Variants in ANXA5 observed in about 807,000 individuals in gnomAD.
ANXA5 encodes annexin A5.
A neutral mutation model predicts 48.1 loss-of-function variants in ANXA5; 40 were observed. The ratio of observed to expected loss-of-function variants is 0.83; its 90% confidence interval spans 0.65 to 1.08. The LOEUF (loss-of-function observed/expected upper bound fraction) is 1.08. Ranked by LOEUF, ANXA5 falls within the 50% of genes least tolerant of loss-of-function variation. ANXA5 has a pLI of 0.00. For missense variants in ANXA5, 357 were observed against 376.8 expected, an observed-to-expected ratio of 0.95 and a Z score of 0.44; for synonymous variants, 113 against 129.1, an observed-to-expected ratio of 0.88 and a Z score of 0.85.
At position 121,668,433 on chromosome 4, in the gene ANXA5, C is replaced by T; in HGVS notation, c.*35G>A. The T allele has an allele frequency of 1.2e-6, 2 of 1,603,836 alleles. No individual in the cohort carries two copies. The highest frequency in any genetic ancestry group is 1.7e-6 in the Non-Finnish European group (2 of 1,171,060). On this transcript the variant is annotated 3_prime_UTR_variant, in exon 13 of 13. Transcript: ENST00000296511. ...GCTGAAGGAAGGCAGTGGGGTGGTG[C>T]AGGCACACAGCAGGGAGCTCTTCCC...
intron 2 of ANXA5, 27 bp downstream of exon 2, chr4:121,696,554 A>G: frequency 2.2e-6 from 3 of 1,383,756 alleles, no homozygotes; most frequent in Non-Finnish European, 2.8e-6. Flanking sequence ...GGGTAAATCC[A>G]GCGCAGTGGG....
At chr4:121,684,453 C>A (rs1007068620) in intron 4 of ANXA5, among the ~76,000 whole-genome samples, 1 of 152,084 alleles carries the variant, frequency 6.6e-6, no homozygotes, top group Non-Finnish European at 1.5e-5. Flanking sequence ...TCTTTTGGCA[C>A]CTCTACAGCA....
chr4:121,674,082 G>A (rs1724655866), intron 8 of ANXA5, among the ~76,000 whole-genome samples: 1 of 150,280 alleles, frequency 6.7e-6, no homozygotes, highest in Non-Finnish European at 1.5e-5. Flanking sequence ...CCGGGAGGCT[G>A]TGGCAAGAGA....
intron 3 of ANXA5, among the ~76,000 whole-genome samples, chr4:121,685,284 A>G (rs975443478): frequency 1.3e-5 from 2 of 152,148 alleles, no homozygotes; most frequent in African/African-American, 4.8e-5. Flanking sequence ...GTATGAGCTA[A>G]GGCAAAATGT....
Position 121,696,723 on chromosome 4 carries a change from G to A in ANXA5, c.-35-99C>T, listed in dbSNP as rs964541064. 7 of 751,580 alleles carry A rather than the reference G, an allele frequency of 9.3e-6. No homozygotes were observed. In the African/African-American group the frequency reaches 1.1e-4, roughly 12 times the overall value. 46.6% of individuals were successfully genotyped at this position (751,580 alleles called of 1,614,324 possible). A position where few individuals can be genotyped will look rare whatever the true frequency, so the allele number is the denominator to read the frequency against. On this transcript the variant is annotated intron_variant, in intron 1 of 12. Transcript: ENST00000296511. ...GGACCCGGCGGCGCTCAGACAGCCC[G>A]GAGGGCCCCGCCACGGGGCCGACCC...
chr4:121,692,040 T>C (rs1236651225), intron 2 of ANXA5, among the ~76,000 whole-genome samples: 1 of 152,162 alleles, frequency 6.6e-6, no homozygotes, highest in Admixed American at 6.5e-5. Context: ...AAGTGAATGA[T>C]ATAGTTCAAA....
intron 10 of ANXA5, 132 bp from the exon 11 acceptor site, chr4:121,670,144 G>T: frequency 1.6e-6 from 1 of 618,938 alleles, no homozygotes; most frequent in Non-Finnish European, 2.7e-6. Context: ...AGGCTAAAGA[G>T]CTGTAAGCTA....
In ANXA5 at chr4:121,678,468, C is replaced by T. The variant is rs146310531; in HGVS notation, c.421G>A (p.Val141Met). The T allele has an allele frequency of 2.1e-4, 335 of 1,613,764 alleles. No homozygotes were observed. Among genetic ancestry groups the T allele is most frequent in the African/African-American group, 7.7e-4 (58 of 75,044 alleles). ...EEYGSSLEDD[V>M]VGDTSGYYQR... ...TAGTACCCTGAAGTGTCCCCCACCA[C>T]GTCATCTTCCAGGCTTGAGCCATAT... is the stretch of plus-strand genomic sequence containing the variant. Residue 141 changes from valine (V) to methionine (M), a missense_variant, in exon 7 of 13, where the codon GTG becomes ATG. Physicochemically the swap from Val to Met is conservative, Grantham distance 21 (BLOSUM62 1). Coordinates refer to ENST00000296511, the MANE Select transcript of ANXA5 (RefSeq NM_001154.4).
Position 121,696,642 on chromosome 4 carries a change from C to A in ANXA5, c.-35-18G>T. On this transcript the variant is annotated intron_variant, in intron 1 of 12. Coordinates refer to ENST00000296511, the MANE Select transcript of ANXA5 (RefSeq NM_001154.4). Reference sequence around the variant, plus strand: ...AAGCAGGACTGCAAAAGAGAAGAAACCTCGGGCTTAGCGCGCCATTTGCAA... The same window carrying A: ...AAGCAGGACTGCAAAAGAGAAGAAAACTCGGGCTTAGCGCGCCATTTGCAA... 1 of 1,351,998 alleles carries A rather than the reference C, an allele frequency of 7.4e-7. No homozygotes were observed. The highest frequency in any genetic ancestry group is 9.6e-7 in the Non-Finnish European group (1 of 1,040,838). 83.8% of individuals were successfully genotyped at this position (1,351,998 alleles called of 1,614,324 possible). A position where few individuals can be genotyped will look rare whatever the true frequency, so the allele number is the denominator to read the frequency against.
chr4:121,672,869 G>A (rs1363495394), intron 8 of ANXA5, among the ~76,000 whole-genome samples: 1 of 152,176 alleles, frequency 6.6e-6, no homozygotes, highest in Non-Finnish European at 1.5e-5. Flanking sequence ...CACGGCAATG[G>A]TGCAAGGTTA....
intron 4 of ANXA5, among the ~76,000 whole-genome samples, chr4:121,684,235 G>T (rs1165969120): frequency 6.6e-6 from 1 of 151,752 alleles, no homozygotes; most frequent in East Asian, 1.9e-4. Flanking sequence ...AAATTTTTTT[G>T]AATTATTAAT....
rs929888648 is a variant in ANXA5 at position 121,696,950 on chromosome 4, C to A, written c.-123G>T. The A allele has an allele frequency of 1.5e-5, 3 of 199,902 alleles. No homozygotes were observed. Among genetic ancestry groups the A allele is most frequent in the Admixed American group, 6.0e-5 (1 of 16,546 alleles). The allele number at this position is 199,902 out of a possible 1,614,324, so 12.4% of individuals were successfully genotyped here. A position where few individuals can be genotyped will look rare whatever the true frequency, so the allele number is the denominator to read the frequency against. Reference sequence around the variant, plus strand: ...ACGCGGGGCGACGCCGAGATGCAGACGCTGAAGGATCCGGCAGCTGCACCT... The same window carrying A: ...ACGCGGGGCGACGCCGAGATGCAGAAGCTGAAGGATCCGGCAGCTGCACCT... On this transcript the variant is annotated 5_prime_UTR_variant, in exon 1 of 13. Coordinates refer to ENST00000296511, the MANE Select transcript of ANXA5 (RefSeq NM_001154.4).
intron 10 of ANXA5, 124 bp from the exon 11 acceptor site, chr4:121,670,136 G>T: frequency 1.5e-6 from 1 of 650,290 alleles, no homozygotes; most frequent in Non-Finnish European, 2.6e-6. Flanking sequence ...AGTACCAGAG[G>T]CTAAAGAGCT....
chr4:121,678,026 G>A (rs1006776321), intron 7 of ANXA5, 76 bp from the exon 8 acceptor site: 1 of 1,086,570 alleles, frequency 9.2e-7, no homozygotes, highest in African/African-American at 1.6e-5. Context: ...CCACCTGATG[G>A]TTATTCAATA....
At chr4:121,686,512 T>C (rs1330999209) in intron 2 of ANXA5, 140 bp from the exon 3 acceptor site, 3 of 670,746 alleles carry the variant, frequency 4.5e-6, no homozygotes, top group African/African-American at 3.6e-5. Flanking sequence ...TGACCCCTTT[T>C]GAACTGGGAA....
At chr4:121,673,229 T>G (rs1038773279) in intron 8 of ANXA5, among the ~76,000 whole-genome samples, 1 of 152,198 alleles carries the variant, frequency 6.6e-6, no homozygotes, top group Non-Finnish European at 1.5e-5. Context: ...ATAGTTTGAG[T>G]GCCCATACTT....
chr4:121,686,205 C>A, intron 3 of ANXA5, 83 bp downstream of exon 3: 1 of 1,052,694 alleles, frequency 9.5e-7, no homozygotes, highest in Non-Finnish European at 1.4e-6. Context: ...TCAAAATATT[C>A]TAAAATTATT....
At position 121,677,905 on chromosome 4, in the gene ANXA5, G is replaced by A. The variant is rs1206710404; in HGVS notation, c.520C>T (p.Gln174Ter). The A allele has an allele frequency of 1.9e-6, 3 of 1,613,524 alleles. No homozygotes were observed. The highest frequency in any genetic ancestry group is 8.5e-7 in the Non-Finnish European group (1 of 1,179,540). Residue 174 changes from glutamine to a stop codon, truncating the protein, a stop_gained, in exon 8 of 13, where the codon CAA (glutamine) becomes TAA (stop). Transcript: ENST00000296511. LOFTEE classifies it high-confidence loss of function. ...CTGGTGTCACTCACCTGAGCATCTT[G>A]TTCAACTTGAGCTTCATCAATTCCA... ...DAGIDEAQVEQDAQALFQAGE... is the reference protein window; with the variant it reads ...DAGIDEAQVE
At chr4:121,678,370 A>G in intron 7 of ANXA5, 45 bp downstream of exon 7, 3 of 1,531,874 alleles carry the variant, frequency 2.0e-6, no homozygotes, top group East Asian at 2.3e-5. Context: ...GCCCAGTCCA[A>G]CTTCAGGCTT....
Sources: gnomAD v4.1 joint callset for allele counts (sites outside exome capture counted in the v4.1 genomes callset) on GRCh38, gnomAD v4.1.1 for gene constraint, MANE v1.5 for transcripts, NCBI Gene and HGNC (gene_info 2026-07-23, HGNC 2026-07-21) for gene names.